Variants in C14orf39 observed in about 807,000 individuals in gnomAD.
C14orf39 encodes protein SIX6OS1.
Under a neutral mutation model 85.6 loss-of-function variants are expected in C14orf39, and 66 were observed. The observed-to-expected ratio is 0.77, with a 90% confidence interval of 0.63 to 0.95. C14orf39 has a LOEUF of 0.95. Among genes scored for constraint, C14orf39 ranks in the 40% least tolerant of loss-of-function variants. The pLI is 0.00. For synonymous variants in C14orf39, 242 were observed against 214.0 expected (o/e 1.13, Z -1.14); for missense variants, 735 against 663.9 (o/e 1.11, Z -1.18).
intron 1 of C14orf39, among the ~76,000 whole-genome samples, chr14:60,501,878 G>A (rs1399192522): frequency 6.6e-6 from 1 of 152,142 alleles, no homozygotes; most frequent in Non-Finnish European, 1.5e-5. Context: ...GCCCACAAGA[G>A]GGGAACTAAC....
At chr14:60,509,428 C>A in intron 1 of C14orf39, 1 of 1,599,630 alleles carries the variant, frequency 6.3e-7, no homozygotes, top group Non-Finnish European at 8.5e-7. Flanking sequence ...TGAATTTCAG[C>A]CCCCAGCAAG....
rs1215844826 is a variant in C14orf39 at position 60,436,246 on chromosome 14, C to T, written c.*599G>A. ...TTTCAGAAATTACTCTTGCCCTTTACATTTAATTTTTAGCCATTGAAAGCA... is the reference window on the plus strand; with the variant it reads ...TTTCAGAAATTACTCTTGCCCTTTATATTTAATTTTTAGCCATTGAAAGCA... On this transcript the variant is annotated 3_prime_UTR_variant, in exon 18 of 18. Coordinates refer to ENST00000321731, the MANE Select transcript of C14orf39 (RefSeq NM_174978.3). The T allele has an allele frequency of 1.3e-5, 2 of 152,080 alleles. No homozygotes were observed. Among genetic ancestry groups the T allele is most frequent in the African/African-American group, 4.8e-5 (2 of 41,418 alleles). The allele number at this position is 152,080 out of a possible 1,614,324, so 9.4% of individuals were successfully genotyped here.
At chr14:60,479,895 C>T (rs1242000952) in intron 4 of C14orf39, among the ~76,000 whole-genome samples, 15 of 152,036 alleles carry the variant, frequency 9.9e-5, no homozygotes, top group Non-Finnish European at 1.0e-4. Context: ...TAGAGTTGCT[C>T]CCAATATTTC....
In C14orf39 at chr14:60,440,057, A is replaced by G. The variant is rs569124115; in HGVS notation, c.1561+2017T>C. On this transcript the variant is annotated intron_variant, in intron 17 of 17. Transcript: ENST00000321731. ...GCTATTGCACTCCAGCCTGGGCAAC[A>G]AGAGCGAAACTCTGTCTCAAAAAAA... Among the ~76,000 whole-genome samples, 22 of 152,324 alleles carry G rather than the reference A, an allele frequency of 1.4e-4. 1 individual carries two copies. In the East Asian group the frequency reaches 3.3e-3, roughly 23 times the overall value.
At position 60,509,415 on chromosome 14, in the gene C14orf39, T is replaced by C. The variant is rs199904203; in HGVS notation, c.-144+5980A>G. On this transcript the variant is annotated intron_variant, in intron 1 of 5. Coordinates refer to the C14orf39 transcript ENST00000556799. ...ACTGCCTCGATGTTCCAGCTGCCCA[T>C]CTTGAATTTCAGCCCCCAGCAAGTG... The C allele has an allele frequency of 3.1e-6, 5 of 1,599,476 alleles. No homozygotes were observed. In the East Asian group the frequency reaches 1.1e-4, roughly 36 times the overall value.
intron 11 of C14orf39, among the ~76,000 whole-genome samples, chr14:60,461,877 T>C (rs537749667): frequency 6.6e-6 from 1 of 152,126 alleles, no homozygotes; most frequent in Non-Finnish European, 1.5e-5. Flanking sequence ...TTAAAATTTA[T>C]ACCACCCATA....
intron 8 of C14orf39, among the ~76,000 whole-genome samples, chr14:60,468,956 A>G (rs911807575): frequency 6.6e-6 from 1 of 151,504 alleles, no homozygotes; most frequent in South Asian, 2.1e-4. Context: ...AAAATTTAGA[A>G]AATCAGGTAT....
intron 1 of C14orf39, 127 bp downstream of exon 1, chr14:60,485,818 G>A (rs6573312): frequency 6.6e-6 from 1 of 151,838 alleles, no homozygotes; most frequent in African/African-American, 2.4e-5. Context: ...CCAACCCAGG[G>A]GATAAGGCGA....
At chr14:60,454,882 T>A (rs1891196983) in intron 16 of C14orf39, 119 bp downstream of exon 16, 1 of 764,562 alleles carries the variant, frequency 1.3e-6, no homozygotes, top group African/African-American at 1.8e-5. Flanking sequence ...ATACTCAGAA[T>A]TTTTTTAAAT....
At chr14:60,453,331 C>T (rs576600372) in intron 16 of C14orf39, among the ~76,000 whole-genome samples, 2 of 151,984 alleles carry the variant, frequency 1.3e-5, no homozygotes, top group African/African-American at 2.4e-5. Flanking sequence ...TAGTAATATT[C>T]TTTAAGACTA....
intron 11 of C14orf39, among the ~76,000 whole-genome samples, chr14:60,464,467 CT>C (rs1476724777): frequency 6.6e-6 from 1 of 152,094 alleles, no homozygotes; most frequent in Non-Finnish European, 1.5e-5. Flanking sequence ...CTATATTCAG[CT>C]TCTTGTTTTA....
intron 5 of C14orf39, among the ~76,000 whole-genome samples, chr14:60,475,347 C>T (rs1254378867): frequency 6.6e-6 from 1 of 151,920 alleles, no homozygotes; most frequent in Admixed American, 6.6e-5. Context: ...AAAACCGGCT[C>T]CTACACAAAA....
In C14orf39 at chr14:60,436,935, T is replaced by A; in HGVS notation, c.1674A>T (p.Ser558=). 6.2e-7 allele frequency: 1 copy of A among 1,612,912 alleles called. No individual in the cohort carries two copies. Among genetic ancestry groups the A allele is most frequent in the Non-Finnish European group, 8.5e-7 (1 of 1,179,226 alleles). The change falls in exon 18 of 18, where the codon TCA becomes TCT. Residue 558 remains serine (S), a synonymous_variant. Coordinates refer to ENST00000321731, the MANE Select transcript of C14orf39 (RefSeq NM_174978.3). ...GTATTGAATTTTGACCCTGTCCAAATGAAAATGGAAAACTAAAATCATCTT... is the reference window on the plus strand; with the variant it reads ...GTATTGAATTTTGACCCTGTCCAAAAGAAAATGGAAAACTAAAATCATCTT... ...AGKDDFSFPF[S]FGQGQNSIPS...
At chr14:60,487,530 CAAAT>C (rs1221103769), upstream of C14orf39, among the ~76,000 whole-genome samples, 4 of 150,094 alleles carry the variant, frequency 2.7e-5, no homozygotes, top group South Asian at 2.1e-4. Context: ...CATTCATTGA[CAAAT>C]GAATGGATAG....
intron 6 of C14orf39, 21 bp downstream of exon 6, chr14:60,471,531 A>G (rs1358716714): frequency 6.3e-7 from 1 of 1,578,986 alleles, no homozygotes; most frequent in Non-Finnish European, 8.6e-7. Flanking sequence ...AATTAAAACA[A>G]TATAACAAAA....
At chr14:60,462,425 T>C (rs1595462038) in intron 11 of C14orf39, among the ~76,000 whole-genome samples, 3 of 152,260 alleles carry the variant, frequency 2.0e-5, no homozygotes, top group Admixed American at 2.0e-4. Context: ...ATCTAAACCA[T>C]TATTTTATTA....
chr14:60,511,050 G>GAGCTGTGACCCGTGTTCCC, intron 1 of C14orf39: 1 of 1,606,766 alleles, frequency 6.2e-7, no homozygotes, highest in Non-Finnish European at 8.5e-7. Context: ...GCTGTGTTAC[G>GAGCTGTGACCCGTGTTCCC]AGCTGTGACC....
intron 7 of C14orf39, among the ~76,000 whole-genome samples, chr14:60,470,355 G>T (rs564948975): frequency 6.6e-6 from 1 of 152,006 alleles, no homozygotes; most frequent in South Asian, 2.1e-4. Context: ...TTCCAGAGAA[G>T]ATTAATCAGG....
chr14:60,437,156 G>T, intron 17 of C14orf39, 109 bp from the exon 18 acceptor site: 1 of 713,420 alleles, frequency 1.4e-6, no homozygotes, highest in Non-Finnish European at 2.4e-6. Context: ...CACTGAATCA[G>T]TGTTACACAG....
Sources: allele counts gnomAD v4.1 joint callset (sites outside exome capture counted in the v4.1 genomes callset), GRCh38; gene constraint gnomAD v4.1.1; transcripts MANE v1.5; gene names NCBI Gene and HGNC (gene_info 2026-07-23, HGNC 2026-07-21).